LPP: variants seen among roughly 807,000 people sequenced by gnomAD.
LPP encodes the protein lipoma-preferred partner.
A neutral mutation model predicts 60.4 loss-of-function variants in LPP; 38 were observed. The observed-to-expected ratio is 0.63, with a 90% CI of 0.49 to 0.83. LPP has a LOEUF of 0.83. Ranked by LOEUF, LPP falls within the 40% of genes least tolerant of loss-of-function variation. The pLI, the probability that LPP is intolerant of heterozygous loss-of-function variation, is 0.00. For missense variants in LPP, 902 were observed against 783.6 expected, an observed-to-expected ratio of 1.15 and a Z score of -1.80; for synonymous variants, 328 against 290.8, an observed-to-expected ratio of 1.13 and a Z score of -1.30.
At chr3:188,837,268 A>G (rs1345243668) in intron 9 of LPP, among the ~76,000 whole-genome samples, 24 of 151,764 alleles carry the variant, frequency 1.6e-4, no homozygotes, top group Non-Finnish European at 1.5e-5. Flanking sequence ...GGTCCCAGCT[A>G]CTCGGGAGGC....
At chr3:188,441,308 G>A (rs374486453) in intron 4 of LPP, among the ~76,000 whole-genome samples, 81 of 152,166 alleles carry the variant, frequency 5.3e-4, no homozygotes, top group African/African-American at 1.8e-3. Flanking sequence ...GTATGCGTGC[G>A]TATGTGTTTA....
chr3:188,375,261 G>A (rs1361322011), intron 3 of LPP, among the ~76,000 whole-genome samples: 1 of 152,172 alleles, frequency 6.6e-6, no homozygotes, highest in Non-Finnish European at 1.5e-5. Context: ...TCTGTTGATT[G>A]CAATAGTTTC....
At position 188,888,835 on chromosome 3, in the gene LPP, T is replaced by A. The variant is rs1040614244; in HGVS notation, c.*14356T>A. On this transcript the variant is annotated 3_prime_UTR_variant, in exon 12 of 12. Transcript: ENST00000617246. ...GGGCTGCAAACACATTCCCTGAGCA[T>A]CCCTTGCTGATACAGCTTCTTTATA... 3.6e-5 allele frequency: 8 copies of A among 220,524 alleles called. No homozygotes were observed. Among genetic ancestry groups the A allele is most frequent in the East Asian group, 3.3e-4 (5 of 15,148 alleles). The allele number at this position is 220,524 out of a possible 1,614,324, so 13.7% of individuals were successfully genotyped here. A position where few individuals can be genotyped will look rare whatever the true frequency, so the allele number is the denominator to read the frequency against.
chr3:188,251,337 T>C (rs1729569944), intron 2 of LPP, among the ~76,000 whole-genome samples: 1 of 151,918 alleles, frequency 6.6e-6, no homozygotes, highest in South Asian at 2.1e-4. Context: ...TAGTTTGGTC[T>C]TGTATATTCT....
chr3:188,222,377 G>T (rs2149295134), intron 1 of LPP, among the ~76,000 whole-genome samples: 1 of 152,300 alleles, frequency 6.6e-6, no homozygotes, highest in Non-Finnish European at 1.5e-5. Flanking sequence ...TGGAAGGGGT[G>T]AACGTGAATT....
chr3:188,622,245 T>C, intron 7 of LPP, among the ~76,000 whole-genome samples: 1 of 152,132 alleles, frequency 6.6e-6, no homozygotes, highest in Admixed American at 6.5e-5. Context: ...GCTTGATATT[T>C]CCTCACTTTC....
chr3:188,645,985 TG>T (rs1284993605), intron 7 of LPP, among the ~76,000 whole-genome samples: 1 of 152,178 alleles, frequency 6.6e-6, no homozygotes, highest in African/African-American at 2.4e-5. Flanking sequence ...TTCCAAGACT[TG>T]GCTTTCAGTT....
chr3:188,460,948 G>C (rs544851668), intron 4 of LPP, among the ~76,000 whole-genome samples: 1 of 152,312 alleles, frequency 6.6e-6, no homozygotes, highest in Admixed American at 6.5e-5. Flanking sequence ...AAGATAGAGA[G>C]AGAACTAGGC....
intron 8 of LPP, among the ~76,000 whole-genome samples, chr3:188,724,821 T>G (rs559536988): frequency 6.6e-6 from 1 of 152,192 alleles, no homozygotes; most frequent in Non-Finnish European, 1.5e-5. Context: ...TCTTCTAGTC[T>G]AGTGATGTGT....
intron 3 of LPP, among the ~76,000 whole-genome samples, chr3:188,377,207 T>C (rs1775392342): frequency 6.6e-6 from 1 of 152,090 alleles, no homozygotes; most frequent in Non-Finnish European, 1.5e-5. Context: ...TCTCGAGGAG[T>C]ATCTTTGTGG....
At chr3:188,592,246 AT>A (rs1838873675) in intron 6 of LPP, among the ~76,000 whole-genome samples, 1 of 152,146 alleles carries the variant, frequency 6.6e-6, no homozygotes, top group South Asian at 2.1e-4. Flanking sequence ...GAATTTTAAA[AT>A]TTATAATCTC....
chr3:188,367,087 G>A (rs954683831), intron 3 of LPP, among the ~76,000 whole-genome samples: 3 of 151,876 alleles, frequency 2.0e-5, no homozygotes, highest in African/African-American at 7.3e-5. Context: ...TAGTAGAGAC[G>A]GGGTTTCACC....
chr3:188,742,916 C>T (rs373363256), intron 8 of LPP, among the ~76,000 whole-genome samples: 91 of 152,286 alleles, frequency 6.0e-4, no homozygotes, highest in African/African-American at 2.2e-3. Flanking sequence ...CGAGGGCTGT[C>T]AGCCTTGTAT....
At chr3:188,421,405 C>A (rs997914281) in intron 4 of LPP, among the ~76,000 whole-genome samples, 3 of 152,084 alleles carry the variant, frequency 2.0e-5, no homozygotes, top group African/African-American at 7.2e-5. Context: ...CTGGCAATTA[C>A]TCTATTCTAC....
chr3:188,522,970 C>T (rs910332399), intron 5 of LPP, among the ~76,000 whole-genome samples: 11 of 151,508 alleles, frequency 7.3e-5, no homozygotes, highest in South Asian at 2.1e-4. Context: ...TGCAGTGGTA[C>T]GATCTTGGCT....
At chr3:188,382,141 G>A (rs1008551194) in intron 3 of LPP, among the ~76,000 whole-genome samples, 93 of 152,160 alleles carry the variant, frequency 6.1e-4, no homozygotes, top group African/African-American at 2.2e-3. Context: ...TCCTTCTACG[G>A]TTTGGCACCC....
rs530107006 is a variant in LPP, at chr3:188,324,063, A to G, written c.-66-17600A>G. 2.6e-5 allele frequency among the ~76,000 whole-genome samples: 4 copies of G among 152,330 alleles called. No individual in the cohort carries two copies. The South Asian group carries it at 8.3e-4, about 32-fold the overall frequency. ...GTTGTTGTCGTTATTATCTATAACT[A>G]CAATAATTTCCCTAGCCTTATTTTA... is the stretch of plus-strand genomic sequence containing the variant. On this transcript the variant is annotated intron_variant, in intron 2 of 11. Transcript: ENST00000617246.
intron 9 of LPP, among the ~76,000 whole-genome samples, chr3:188,863,068 A>T (rs1229604294): frequency 6.6e-6 from 1 of 152,184 alleles, no homozygotes; most frequent in Non-Finnish European, 1.5e-5. Context: ...AAGGTAATAT[A>T]GTCCAGGTTT....
At chr3:188,762,312 G>A (rs753950203) in intron 9 of LPP, among the ~76,000 whole-genome samples, 3 of 152,152 alleles carry the variant, frequency 2.0e-5, no homozygotes, top group African/African-American at 4.8e-5. Flanking sequence ...AAGAAGAAAT[G>A]AGACAATCCT....
Sources: allele counts gnomAD v4.1 joint callset (sites outside exome capture counted in the v4.1 genomes callset), GRCh38; gene constraint gnomAD v4.1.1; transcripts MANE v1.5; gene names NCBI Gene and HGNC (gene_info 2026-07-23, HGNC 2026-07-21).